The following ZNF385B variants were observed in gnomAD, a reference collection of about 807,000 sequenced individuals.
ZNF385B encodes the protein zinc finger protein 385B.
ZNF385B carries 23 observed loss-of-function variants against 39.2 expected under a neutral mutation model. That is an observed-to-expected ratio of 0.59 (90% confidence interval 0.42 to 0.83). The LOEUF is 0.83. ZNF385B is among the 40% of genes least tolerant of loss of function. The pLI is 0.00. For missense variants in ZNF385B, 552 were observed against 598.9 expected (o/e 0.92, Z 0.82); for synonymous variants, 205 against 222.6 (o/e 0.92, Z 0.70).
intron 4 of ZNF385B, among the ~76,000 whole-genome samples, chr2:179,539,610 A>G (rs1265466404): frequency 6.6e-6 from 1 of 152,186 alleles, no homozygotes; most frequent in Non-Finnish European, 1.5e-5. Context: ...TTTAATCCAC[A>G]ATAAAGGAAA....
At chr2:179,620,210 C>T (rs1176772983) in intron 3 of ZNF385B, among the ~76,000 whole-genome samples, 1 of 152,142 alleles carries the variant, frequency 6.6e-6, no homozygotes, top group Non-Finnish European at 1.5e-5. Context: ...TTTTCCTGTT[C>T]ATCTAGCTGA....
intron 1 of ZNF385B, chr2:179,814,642 C>T (rs1706948808): frequency 2.3e-6 from 1 of 443,144 alleles, no homozygotes; most frequent in African/African-American, 2.1e-5. Flanking sequence ...CTGGTCTTGT[C>T]CCCAAAAACT....
chr2:179,642,317 G>T (rs1304588020), intron 3 of ZNF385B, among the ~76,000 whole-genome samples: 1 of 152,092 alleles, frequency 6.6e-6, no homozygotes, highest in East Asian at 1.9e-4. Context: ...CCTTCTGATG[G>T]TCAATAATGT....
chr2:179,560,417 T>G (rs757313211), intron 3 of ZNF385B, among the ~76,000 whole-genome samples: 1 of 152,220 alleles, frequency 6.6e-6, no homozygotes. Context: ...TTCACAAAAA[T>G]GGACCTAGTG....
intron 3 of ZNF385B, among the ~76,000 whole-genome samples, chr2:179,606,969 A>G (rs1224215828): frequency 6.6e-6 from 1 of 151,798 alleles, no homozygotes; most frequent in African/African-American, 2.4e-5. Flanking sequence ...GACTTGCCCC[A>G]CTCTGGGATC....
chr2:179,578,022 AGACATTAATCACTTTCCTCAACTAGT>A (rs1219638008), intron 3 of ZNF385B, among the ~76,000 whole-genome samples: 1 of 152,104 alleles, frequency 6.6e-6, no homozygotes, highest in Non-Finnish European at 1.5e-5. Flanking sequence ...TAGGCACCTT[AGACATTAATCACTTTCCTCAACTAGT>A]GACAGTACTC....
At chr2:179,710,896 A>G (rs1470084402) in intron 3 of ZNF385B, among the ~76,000 whole-genome samples, 1 of 152,210 alleles carries the variant, frequency 6.6e-6, no homozygotes, top group African/African-American at 2.4e-5. Context: ...TGTACTTAGT[A>G]TAATGACCCT....
intron 3 of ZNF385B, among the ~76,000 whole-genome samples, chr2:179,694,956 A>AGAGGAGGAGGAGGAGGAGGAGGAG (rs71994313): frequency 1.3e-5 from 2 of 148,592 alleles, no homozygotes; most frequent in Non-Finnish European, 3.0e-5. Flanking sequence ...AAAAGAAAGA[A>AGAGGAGGAGGAGGAGGAGGAGGAG]GAGGAGGAGG....
intron 6 of ZNF385B, among the ~76,000 whole-genome samples, chr2:179,471,859 A>G (rs1032296964): frequency 7.9e-5 from 12 of 152,148 alleles, no homozygotes; most frequent in African/African-American, 2.7e-4. Flanking sequence ...TGTGCCCGTC[A>G]TTTCATTCTG....
intron 6 of ZNF385B, among the ~76,000 whole-genome samples, chr2:179,447,254 A>G (rs1480387824): frequency 6.6e-6 from 1 of 152,184 alleles, no homozygotes; most frequent in African/African-American, 2.4e-5. Context: ...TGTGGGATAG[A>G]AGAAACATGG....
chr2:179,623,384 A>T (rs939640734), intron 3 of ZNF385B, among the ~76,000 whole-genome samples: 3 of 152,156 alleles, frequency 2.0e-5, no homozygotes, highest in Admixed American at 1.3e-4. Context: ...TGAGAGCACA[A>T]ATGGCTAAAC....
intron 3 of ZNF385B, among the ~76,000 whole-genome samples, chr2:179,625,780 T>C (rs13005620): frequency 0.26 from 39,549 of 151,976 alleles, 5,368 homozygotes; most frequent in Admixed American, 0.32. Flanking sequence ...TACATATATA[T>C]CTACATAAAT....
intron 6 of ZNF385B, among the ~76,000 whole-genome samples, chr2:179,458,547 C>G (rs2050956659): frequency 6.6e-6 from 1 of 152,158 alleles, no homozygotes; most frequent in Non-Finnish European, 1.5e-5. Flanking sequence ...GGTTGTGTAG[C>G]AGGCCTAGAG....
At chr2:179,585,432 C>A (rs1276369343) in intron 3 of ZNF385B, among the ~76,000 whole-genome samples, 1 of 152,118 alleles carries the variant, frequency 6.6e-6, no homozygotes, top group Non-Finnish European at 1.5e-5. Flanking sequence ...TATTTACTTG[C>A]CTACGGTATG....
intron 1 of ZNF385B, among the ~76,000 whole-genome samples, chr2:179,785,496 G>T (rs1310805039): frequency 6.6e-6 from 1 of 152,070 alleles, no homozygotes; most frequent in Admixed American, 6.6e-5. Flanking sequence ...TTGCCATTTC[G>T]ATGCCATTAA....
intron 1 of ZNF385B, among the ~76,000 whole-genome samples, chr2:179,851,348 G>A (rs2105441848): frequency 6.6e-6 from 1 of 152,280 alleles, no homozygotes; most frequent in Admixed American, 6.5e-5. Context: ...TACTTTGTAG[G>A]CTGAGGTGGA....
chr2:179,450,072 C>T (rs1160975158), intron 6 of ZNF385B, among the ~76,000 whole-genome samples: 44 of 150,248 alleles, frequency 2.9e-4, no homozygotes, highest in African/African-American at 1.0e-3. Flanking sequence ...AAACTGGATC[C>T]CTTCCTTACA....
intron 3 of ZNF385B, among the ~76,000 whole-genome samples, chr2:179,757,550 GC>G (rs1313545343): frequency 6.6e-6 from 1 of 152,166 alleles, no homozygotes; most frequent in Admixed American, 6.5e-5. Flanking sequence ...GCTATGCCCT[GC>G]CCCCAGAGGT....
intron 3 of ZNF385B, among the ~76,000 whole-genome samples, chr2:179,759,681 G>C (rs1387314203): frequency 6.6e-6 from 1 of 152,010 alleles, no homozygotes; most frequent in Non-Finnish European, 1.5e-5. Context: ...AGCCTTCCTT[G>C]ACCTCCATAA....
Sources: allele counts gnomAD v4.1 joint callset (sites outside exome capture counted in the v4.1 genomes callset), GRCh38; gene constraint gnomAD v4.1.1; transcripts MANE v1.5; gene names NCBI Gene and HGNC (gene_info 2026-07-23, HGNC 2026-07-21).